Variants in NPHP1 observed in about 807,000 individuals in gnomAD.
NPHP1 encodes the protein nephrocystin-1.
A neutral mutation model predicts 90.4 loss-of-function variants in NPHP1; 70 were observed. The observed-to-expected ratio is 0.77, with a 90% CI of 0.64 to 0.95. The LOEUF (loss-of-function observed/expected upper bound fraction) is 0.95. Ranked by LOEUF, NPHP1 falls within the 40% of genes least tolerant of loss-of-function variation. NPHP1 has a pLI of 0.00. For missense variants in NPHP1, 764 were observed against 795.9 expected, an observed-to-expected ratio of 0.96 and a Z score of 0.48; for synonymous variants, 256 against 271.7, an observed-to-expected ratio of 0.94 and a Z score of 0.57.
At chr2:110,140,786 T>C (rs889000499) in intron 16 of NPHP1, among the ~76,000 whole-genome samples, 6 of 152,174 alleles carry the variant, frequency 3.9e-5, no homozygotes, top group Admixed American at 1.3e-4. Flanking sequence ...TTACAGGCTC[T>C]ATGAACATCC....
intron 3 of NPHP1, 49 bp from the exon 4 acceptor site, chr2:110,178,596 C>T (rs756837324): frequency 1.3e-6 from 2 of 1,569,778 alleles, no homozygotes; most frequent in Admixed American, 3.8e-5. Context: ...TTTCAGTTTC[C>T]TAATTTCAAA....
chr2:110,202,261 A>T lies in NPHP1; in HGVS notation c.70-767T>A, dbSNP rs145848701. On this transcript the variant is annotated intron_variant, in intron 1 of 19. Transcript: ENST00000445609. Reference sequence around the variant, plus strand: ...CACATACTTCTTTGGTCTGTTTTCTATAGATTACGTAGAGAAGATAAAGTG... The same window carrying T: ...CACATACTTCTTTGGTCTGTTTTCTTTAGATTACGTAGAGAAGATAAAGTG... 7.9e-4 allele frequency: 225 copies of T among 284,796 alleles called. 3 individuals are homozygous for T. Among genetic ancestry groups the T allele is most frequent in the East Asian group, 5.3e-3 (70 of 13,222 alleles). The allele number at this position is 284,796 out of a possible 1,614,324, so 17.6% of individuals were successfully genotyped here. A position where few individuals can be genotyped will look rare whatever the true frequency, so the allele number is the denominator to read the frequency against.
intron 2 of NPHP1, among the ~76,000 whole-genome samples, chr2:110,200,203 C>T (rs1412797414): frequency 1.3e-5 from 2 of 151,594 alleles, no homozygotes; most frequent in African/African-American, 2.4e-5. Flanking sequence ...TGCAGTGAGC[C>T]GAGATCATGC....
intron 16 of NPHP1, among the ~76,000 whole-genome samples, chr2:110,135,321 CA>C (rs1326365547): frequency 6.6e-6 from 1 of 151,232 alleles, no homozygotes; most frequent in Non-Finnish European, 1.5e-5. Context: ...ACTAAAAATA[CA>C]AAAAATTAGC....
rs888766086 is a variant in NPHP1 at position 110,154,768 on chromosome 2, A to G, written c.1084-4512T>C. Reference sequence around the variant, plus strand: ...GAAATTTCTAAGTAGCAAAGCACTCAAGACATGACTTGGGTGCTGTTAAAG... The same window carrying G: ...GAAATTTCTAAGTAGCAAAGCACTCGAGACATGACTTGGGTGCTGTTAAAG... On this transcript the variant is annotated intron_variant, in intron 11 of 19. Transcript: ENST00000445609. Among the ~76,000 whole-genome samples the G allele has an allele frequency of 1.1e-4, 16 of 152,150 alleles. No homozygotes were observed. In the East Asian group the frequency reaches 3.1e-3, roughly 29 times the overall value.
intron 4 of NPHP1, among the ~76,000 whole-genome samples, chr2:110,175,718 C>A (rs1284603810): frequency 6.6e-6 from 1 of 151,890 alleles, no homozygotes; most frequent in African/African-American, 2.4e-5. Context: ...CCCTGAGATT[C>A]TTGGATCAGT....
In NPHP1 at chr2:110,131,776, T is replaced by A; in HGVS notation, c.1545A>T (p.Thr515=). ...GAATAGAACACATATTTCCAATTAA[T>A]GTTTCTGGCAGTAGACTATTAAAGA... is the stretch of plus-strand genomic sequence containing the variant. ...SRNVLSLLPE[T]LIGNMCSIHL... The change falls in exon 17 of 20, where the codon ACA becomes ACT. Residue 515 remains threonine, a synonymous_variant. Coordinates refer to ENST00000445609, the MANE Select transcript of NPHP1 (RefSeq NM_001128178.3). 6.2e-7 allele frequency: 1 copy of A among 1,603,890 alleles called. No homozygotes were observed. Among genetic ancestry groups the A allele is most frequent in the South Asian group, 1.1e-5 (1 of 90,750 alleles).
At chr2:110,172,984 G>A (rs1683259633) in intron 4 of NPHP1, among the ~76,000 whole-genome samples, 1 of 141,824 alleles carries the variant, frequency 7.1e-6, no homozygotes, top group South Asian at 2.2e-4. Flanking sequence ...TTTTGAGACG[G>A]TGTCTCATTC....
At chr2:110,124,677 G>A in intron 19 of NPHP1, 2 of 171,084 alleles carry the variant, frequency 1.2e-5, no homozygotes, top group Non-Finnish European at 2.5e-5. Context: ...CAAGTTGAGG[G>A]CAGAGCTGTC....
At chr2:110,198,275 A>T (rs1443478861) in intron 2 of NPHP1, among the ~76,000 whole-genome samples, 1 of 152,170 alleles carries the variant, frequency 6.6e-6, no homozygotes, top group Non-Finnish European at 1.5e-5. Context: ...AAACTAAATC[A>T]TAGAGGGACA....
At chr2:110,198,433 A>G (rs551835210) in intron 2 of NPHP1, among the ~76,000 whole-genome samples, 1 of 152,256 alleles carries the variant, frequency 6.6e-6, no homozygotes, top group East Asian at 1.9e-4. Flanking sequence ...AAAGCAATCT[A>G]AGGTCTTTAT....
At chr2:110,177,703 A>G (rs1054434876) in intron 4 of NPHP1, among the ~76,000 whole-genome samples, 1 of 152,010 alleles carries the variant, frequency 6.6e-6, no homozygotes, top group African/African-American at 2.4e-5. Flanking sequence ...GCTATTATTA[A>G]CATACACTCT....
At chr2:110,146,307 G>A (rs1681041764) in intron 14 of NPHP1, among the ~76,000 whole-genome samples, 1 of 152,030 alleles carries the variant, frequency 6.6e-6, no homozygotes, top group Admixed American at 6.6e-5. Context: ...TTTGCTTCCA[G>A]TCTGCCTTTT....
intron 16 of NPHP1, among the ~76,000 whole-genome samples, chr2:110,136,190 T>C (rs1194890587): frequency 6.6e-6 from 1 of 152,104 alleles, no homozygotes; most frequent in Non-Finnish European, 1.5e-5. Flanking sequence ...ATAAGAGCTA[T>C]CTATGACAAA....
intron 4 of NPHP1, among the ~76,000 whole-genome samples, chr2:110,176,031 A>G (rs1355885777): frequency 7.3e-6 from 1 of 136,590 alleles, no homozygotes; most frequent in Non-Finnish European, 1.6e-5. Flanking sequence ...TTTTAGTTCC[A>G]GAATTTTCAT....
Position 110,160,050 on chromosome 2 carries a change from A to G in NPHP1, c.1083+77T>C, listed in dbSNP as rs10174448. 2.8e-6 allele frequency: 4 copies of G among 1,451,038 alleles called. No homozygotes were observed. The Admixed American group carries it at 5.1e-5, about 18-fold the overall frequency. The allele number at this position is 1,451,038 out of a possible 1,614,324, so 89.9% of individuals were successfully genotyped here. ...AATACTCTCTTGGGAATTGGGGAGG[A>G]GTTGAATGGAAAAGAATCTAAGGGA... On this transcript the variant is annotated intron_variant, in intron 11 of 19. Transcript: ENST00000445609.
intron 4 of NPHP1, among the ~76,000 whole-genome samples, chr2:110,177,523 T>G (rs577940581): frequency 1.3e-5 from 2 of 152,230 alleles, no homozygotes; most frequent in African/African-American, 4.8e-5. Context: ...AAATGCTCAT[T>G]GGAGTCTTTC....
chr2:110,187,877 A>C (rs1415034363), intron 2 of NPHP1, among the ~76,000 whole-genome samples: 1 of 151,800 alleles, frequency 6.6e-6, no homozygotes, highest in East Asian at 1.9e-4. Flanking sequence ...CAAATTAATA[A>C]ATGTGATTCA....
chr2:110,128,123 C>G (rs1191635577), intron 18 of NPHP1: 2 of 152,080 alleles, frequency 1.3e-5, no homozygotes, highest in Admixed American at 1.3e-4. Context: ...CCAACCCAGC[C>G]AAGCTAGCAT....
Sources: gnomAD v4.1 joint callset for allele counts (sites outside exome capture counted in the v4.1 genomes callset) on GRCh38, gnomAD v4.1.1 for gene constraint, MANE v1.5 for transcripts, NCBI Gene and HGNC (gene_info 2026-07-23, HGNC 2026-07-21) for gene names.